Variants in SGCZ observed in about 807,000 individuals in gnomAD.
The protein encoded by SGCZ is zeta-sarcoglycan.
A neutral mutation model predicts 41.3 loss-of-function variants in SGCZ; 40 were observed. The ratio of observed to expected loss-of-function variants is 0.97; its 90% CI spans 0.75 to 1.26. SGCZ has a LOEUF of 1.26. SGCZ is among the 50% of genes most tolerant of loss of function. The pLI, the probability that SGCZ is intolerant of heterozygous loss-of-function variation, is 0.00. For synonymous variants in SGCZ, 206 were observed against 137.5 expected (o/e 1.50, Z -3.49); for missense variants, 552 against 369.8 (o/e 1.49, Z -4.04).
In SGCZ at chr8:14,086,437, CTGAT is replaced by C. The variant is rs1801524852; in HGVS notation, c.*4002_*4005del. On this transcript the variant is annotated 3_prime_UTR_variant, in exon 8 of 8. Coordinates refer to ENST00000382080, the MANE Select transcript of SGCZ (RefSeq NM_139167.4). ...CTATTTTTGTAAAACGAGGCATTCTCTGATTGAGTCATTCGATAGAATATGTAGG... is the reference window on the plus strand; with the variant it reads ...CTATTTTTGTAAAACGAGGCATTCTCTGAGTCATTCGATAGAATATGTAGG... Among the ~76,000 whole-genome samples the C allele has an allele frequency of 1.3e-5, 2 of 151,628 alleles. No individual in the cohort carries two copies. Among genetic ancestry groups the C allele is most frequent in the Non-Finnish European group, 1.5e-5 (1 of 67,710 alleles).
intron 4 of SGCZ, among the ~76,000 whole-genome samples, chr8:14,175,780 A>G (rs1265680216): frequency 1.3e-5 from 2 of 152,150 alleles, no homozygotes; most frequent in Admixed American, 6.5e-5. Context: ...GTTAAAAGTC[A>G]ATTATAATCT....
At chr8:14,318,749 T>A (rs1439011009) in intron 3 of SGCZ, among the ~76,000 whole-genome samples, 1 of 151,902 alleles carries the variant, frequency 6.6e-6, no homozygotes, top group Non-Finnish European at 1.5e-5. Context: ...CCAACCACAA[T>A]CTCTCTAGCA....
chr8:15,107,533 C>T (rs1388187239), intron 1 of SGCZ, among the ~76,000 whole-genome samples: 1 of 152,192 alleles, frequency 6.6e-6, no homozygotes, highest in African/African-American at 2.4e-5. Flanking sequence ...TACCCAGTCC[C>T]CTTCTACTTT....
chr8:14,948,263 C>A (rs541477556), intron 1 of SGCZ, among the ~76,000 whole-genome samples: 1 of 152,088 alleles, frequency 6.6e-6, no homozygotes, highest in Non-Finnish European at 1.5e-5. Flanking sequence ...TGTCAAAGGA[C>A]TTTGAATTAT....
At chr8:14,174,369 A>G (rs1585201362) in intron 4 of SGCZ, among the ~76,000 whole-genome samples, 1 of 152,286 alleles carries the variant, frequency 6.6e-6, no homozygotes, top group East Asian at 1.9e-4. Context: ...CAAGGATGCC[A>G]AACAATTTTC....
At chr8:15,073,467 C>A (rs757063437) in intron 1 of SGCZ, among the ~76,000 whole-genome samples, 2 of 152,164 alleles carry the variant, frequency 1.3e-5, no homozygotes, top group Non-Finnish European at 2.9e-5. Context: ...ATGATGCTTA[C>A]ATTTATGTGT....
chr8:14,228,575 TAAGA>T (rs1424520067), intron 4 of SGCZ, among the ~76,000 whole-genome samples: 4 of 152,104 alleles, frequency 2.6e-5, no homozygotes, highest in East Asian at 1.9e-4. Context: ...ATTGTGCACT[TAAGA>T]AATAATTAGT....
In SGCZ at chr8:14,838,660, T is replaced by G. The variant is rs368048768; in HGVS notation, c.40-283734A>C. Reference sequence around the variant, plus strand: ...TTTCCCTGGCTACTTTTGCCTTCCTTTTCTGCTACCTGGACCAAAACTGGA... The same window carrying G: ...TTTCCCTGGCTACTTTTGCCTTCCTGTTCTGCTACCTGGACCAAAACTGGA... On this transcript the variant is annotated intron_variant, in intron 1 of 7. Coordinates refer to ENST00000382080, the MANE Select transcript of SGCZ (RefSeq NM_139167.4). Among the ~76,000 whole-genome samples the G allele has an allele frequency of 9.2e-5, 14 of 152,264 alleles. No homozygotes were observed. In the East Asian group the frequency reaches 2.5e-3, roughly 27 times the overall value.
At chr8:15,060,795 T>C (rs1804896979) in intron 1 of SGCZ, among the ~76,000 whole-genome samples, 1 of 152,138 alleles carries the variant, frequency 6.6e-6, no homozygotes, top group African/African-American at 2.4e-5. Context: ...TTTGTTTTTG[T>C]TGTTTTAGCA....
chr8:14,504,680 A>T (rs1802253198), intron 2 of SGCZ, among the ~76,000 whole-genome samples: 1 of 152,146 alleles, frequency 6.6e-6, no homozygotes, highest in East Asian at 1.9e-4. Flanking sequence ...TTGTTCACAG[A>T]TGCCTGACAT....
At chr8:14,929,827 C>T (rs1799874935) in intron 1 of SGCZ, among the ~76,000 whole-genome samples, 1 of 151,860 alleles carries the variant, frequency 6.6e-6, no homozygotes, top group African/African-American at 2.4e-5. Flanking sequence ...AGTAGTTTTC[C>T]TCCTCATTAT....
At chr8:15,096,518 G>A (rs1036029113) in intron 1 of SGCZ, among the ~76,000 whole-genome samples, 5 of 152,086 alleles carry the variant, frequency 3.3e-5, no homozygotes, top group African/African-American at 4.8e-5. Context: ...GGGCATAAAC[G>A]TATCAACCAT....
At chr8:15,000,131 A>T (rs557514883) in intron 1 of SGCZ, among the ~76,000 whole-genome samples, 3 of 152,144 alleles carry the variant, frequency 2.0e-5, no homozygotes, top group African/African-American at 7.2e-5. Context: ...ACACTGACAA[A>T]GAAAAAATCA....
chr8:15,116,414 A>G (rs1807269723), intron 1 of SGCZ, among the ~76,000 whole-genome samples: 2 of 152,198 alleles, frequency 1.3e-5, no homozygotes. Flanking sequence ...TCAAACATAG[A>G]TGTATTCCAT....
intron 2 of SGCZ, among the ~76,000 whole-genome samples, chr8:14,503,383 G>T (rs936115079): frequency 6.6e-6 from 1 of 152,060 alleles, no homozygotes; most frequent in African/African-American, 2.4e-5. Context: ...ACCATGGCAC[G>T]TGCATACCTA....
chr8:15,026,202 G>T (rs1435637029), intron 1 of SGCZ, among the ~76,000 whole-genome samples: 1 of 151,644 alleles, frequency 6.6e-6, no homozygotes, highest in African/African-American at 2.4e-5. Flanking sequence ...GGCCAAAGAT[G>T]AAGAAAATTC....
chr8:14,119,696 G>C (rs918366833), intron 5 of SGCZ, among the ~76,000 whole-genome samples: 2 of 152,072 alleles, frequency 1.3e-5, no homozygotes, highest in Non-Finnish European at 2.9e-5. Flanking sequence ...TTAGCTGTGG[G>C]TTTGTCATAA....
intron 3 of SGCZ, among the ~76,000 whole-genome samples, chr8:14,266,682 T>C (rs1277488461): frequency 6.6e-6 from 1 of 152,136 alleles, no homozygotes; most frequent in Non-Finnish European, 1.5e-5. Flanking sequence ...TGAGGGTTTT[T>C]ATCTTATCCT....
At chr8:14,531,699 A>C (rs1411627440) in intron 2 of SGCZ, among the ~76,000 whole-genome samples, 2 of 151,890 alleles carry the variant, frequency 1.3e-5, no homozygotes, top group African/African-American at 4.8e-5. Flanking sequence ...CTTTTTTTCT[A>C]CCCCTCAAAC....
Sources: gnomAD v4.1 joint callset for allele counts (sites outside exome capture counted in the v4.1 genomes callset) on GRCh38, gnomAD v4.1.1 for gene constraint, MANE v1.5 for transcripts, NCBI Gene and HGNC (gene_info 2026-07-23, HGNC 2026-07-21) for gene names.